GRIN3A: variants seen among roughly 807,000 people sequenced by gnomAD.
The protein encoded by GRIN3A is glutamate ionotropic receptor NMDA type subunit 3A, also known as glutamate receptor ionotropic, NMDA 3A.
Under a neutral mutation model 92.4 loss-of-function variants are expected in GRIN3A, and 47 were observed. The ratio of observed to expected loss-of-function variants is 0.51; its 90% confidence interval spans 0.40 to 0.65. The LOEUF (loss-of-function observed/expected upper bound fraction) is 0.65, where lower values mean the gene tolerates loss of function less well. Ranked by LOEUF, GRIN3A falls within the 30% of genes least tolerant of loss-of-function variation. The pLI, the probability that GRIN3A is intolerant of heterozygous loss-of-function variation, is 0.00. For synonymous variants in GRIN3A, 527 were observed against 540.6 expected, an observed-to-expected ratio of 0.97 and a Z score of 0.35; for missense variants, 1,324 against 1,393.1, an observed-to-expected ratio of 0.95 and a Z score of 0.79.
chr9:101,672,323 C>A (rs1283956422), intron 2 of GRIN3A, among the ~76,000 whole-genome samples: 1 of 152,164 alleles, frequency 6.6e-6, no homozygotes, highest in African/African-American at 2.4e-5. Flanking sequence ...TATGGTAACT[C>A]TGACTTAATG....
rs79734792 is a variant in GRIN3A, at chr9:101,643,414, G to T, written c.2353-15013C>A. Reference sequence around the variant, plus strand: ...TTGAATAATAACAAGTGTTTGTGAGGATATGGAGAAAATGTAACCCTTGTA... The same window carrying T: ...TTGAATAATAACAAGTGTTTGTGAGTATATGGAGAAAATGTAACCCTTGTA... On this transcript the variant is annotated intron_variant, in intron 3 of 8. Transcript: ENST00000361820. 9.2e-4 allele frequency among the ~76,000 whole-genome samples: 140 copies of T among 152,084 alleles called. 1 individual carries two copies. The highest frequency in any genetic ancestry group is 3.3e-3 in the African/African-American group (135 of 41,526).
intron 5 of GRIN3A, among the ~76,000 whole-genome samples, chr9:101,619,396 A>G (rs1828517738): frequency 6.6e-6 from 1 of 152,194 alleles, no homozygotes; most frequent in Admixed American, 6.5e-5. Context: ...TAGGAAGACT[A>G]TCCTGGAAGA....
At chr9:101,688,066 G>A (rs1296394924) in intron 1 of GRIN3A, among the ~76,000 whole-genome samples, 2 of 152,174 alleles carry the variant, frequency 1.3e-5, no homozygotes, top group Admixed American at 1.3e-4. Flanking sequence ...TCTTATATAC[G>A]TTAGGGGCAC....
chr9:101,647,240 C>T (rs1445624995), intron 3 of GRIN3A, among the ~76,000 whole-genome samples: 1 of 151,786 alleles, frequency 6.6e-6, no homozygotes, highest in Non-Finnish European at 1.5e-5. Flanking sequence ...TTCAGTATCT[C>T]TTGAAATGAT....
chr9:101,641,321 A>G (rs1181929612), intron 3 of GRIN3A, among the ~76,000 whole-genome samples: 2 of 152,164 alleles, frequency 1.3e-5, no homozygotes, highest in Non-Finnish European at 2.9e-5. Flanking sequence ...ATGCTGCTAT[A>G]AAGACACATG....
chr9:101,602,171 TC>T (rs1828220284), intron 6 of GRIN3A, among the ~76,000 whole-genome samples: 2 of 152,130 alleles, frequency 1.3e-5, no homozygotes, highest in African/African-American at 4.8e-5. Context: ...ATCCAACACG[TC>T]CTGAAATTCT....
At chr9:101,606,103 G>C (rs1828277330) in intron 6 of GRIN3A, among the ~76,000 whole-genome samples, 1 of 152,188 alleles carries the variant, frequency 6.6e-6, no homozygotes, top group Admixed American at 6.5e-5. Context: ...GCAAGGGCAT[G>C]GTCTCTCTCC....
intron 2 of GRIN3A, among the ~76,000 whole-genome samples, chr9:101,685,025 G>A (rs1047904675): frequency 4.6e-5 from 7 of 151,984 alleles, no homozygotes; most frequent in African/African-American, 1.4e-4. Context: ...AAATATGCAT[G>A]GATTTTAATC....
chr9:101,622,373 T>C (rs1207415328), intron 5 of GRIN3A, among the ~76,000 whole-genome samples: 2 of 152,230 alleles, frequency 1.3e-5, no homozygotes, highest in Non-Finnish European at 2.9e-5. Context: ...CATGGCTGTC[T>C]CGAGAGCCAG....
At chr9:101,623,775 G>T (rs111755868) in intron 4 of GRIN3A, among the ~76,000 whole-genome samples, 155 of 152,296 alleles carry the variant, frequency 1.0e-3, no homozygotes, top group African/African-American at 3.6e-3. Flanking sequence ...GGGACTTCTT[G>T]TTGTTAGGCA....
At chr9:101,690,905 C>T (rs1017616108) in intron 1 of GRIN3A, among the ~76,000 whole-genome samples, 3 of 151,920 alleles carry the variant, frequency 2.0e-5, no homozygotes, top group Non-Finnish European at 4.4e-5. Context: ...TTTCTCATTA[C>T]ATCATATATT....
intron 6 of GRIN3A, chr9:101,591,758 A>G (rs1401754670): frequency 1.3e-5 from 2 of 152,226 alleles, no homozygotes; most frequent in East Asian, 3.8e-4. Context: ...ATCCAGTTAG[A>G]TCTTTCAAGT....
intron 3 of GRIN3A, among the ~76,000 whole-genome samples, chr9:101,667,191 C>A (rs1243387915): frequency 6.6e-6 from 1 of 151,830 alleles, no homozygotes; most frequent in African/African-American, 2.4e-5. Context: ...ATACTATATA[C>A]CTATATACTT....
At chr9:101,727,210 A>C (rs1302970727) in intron 1 of GRIN3A, among the ~76,000 whole-genome samples, 12 of 152,214 alleles carry the variant, frequency 7.9e-5, no homozygotes, top group Non-Finnish European at 2.9e-5. Flanking sequence ...AAGGCAAACT[A>C]TCTAGCCATT....
intron 3 of GRIN3A, among the ~76,000 whole-genome samples, chr9:101,656,431 A>G (rs752764137): frequency 4.7e-4 from 71 of 151,676 alleles, no homozygotes; most frequent in Non-Finnish European, 8.4e-4. Context: ...TTAAGAGGGA[A>G]TAGAACCAAT....
At chr9:101,640,211 G>C (rs533548497) in intron 3 of GRIN3A, among the ~76,000 whole-genome samples, 18 of 152,272 alleles carry the variant, frequency 1.2e-4, no homozygotes, top group African/African-American at 4.3e-4. Flanking sequence ...CAATCTCCCA[G>C]TTTATGACTA....
chr9:101,695,131 T>C (rs1018383626), intron 1 of GRIN3A, among the ~76,000 whole-genome samples: 7 of 152,194 alleles, frequency 4.6e-5, no homozygotes, highest in Non-Finnish European at 4.4e-5. Context: ...AGTACAGTCA[T>C]ACCCAGAAAG....
At chr9:101,642,825 T>G (rs1039167396) in intron 3 of GRIN3A, among the ~76,000 whole-genome samples, 2 of 152,130 alleles carry the variant, frequency 1.3e-5, no homozygotes, top group South Asian at 2.1e-4. Flanking sequence ...TAGATTCTTA[T>G]GAGAATCTAA....
intron 3 of GRIN3A, among the ~76,000 whole-genome samples, chr9:101,642,230 G>A (rs1828876247): frequency 6.6e-6 from 1 of 152,102 alleles, no homozygotes; most frequent in African/African-American, 2.4e-5. Flanking sequence ...ATAGTGAAAG[G>A]ATAGTCTCTT....
Sources: allele counts gnomAD v4.1 joint callset (sites outside exome capture counted in the v4.1 genomes callset), GRCh38; gene constraint gnomAD v4.1.1; transcripts MANE v1.5; gene names NCBI Gene and HGNC (gene_info 2026-07-23, HGNC 2026-07-21).